GRM5: variants seen among roughly 807,000 people sequenced by gnomAD.
GRM5 encodes the protein glutamate metabotropic receptor 5, also known as metabotropic glutamate receptor 5.
In GRM5, 19 loss-of-function variants were observed where a neutral mutation model predicts 83.1. The observed-to-expected ratio is 0.23, with a 90% CI of 0.16 to 0.34. The LOEUF is 0.34. Among genes scored for constraint, GRM5 ranks in the 10% least tolerant of loss-of-function variants. The pLI, the probability that GRM5 is intolerant of heterozygous loss-of-function variation, is 1.00. For synonymous variants in GRM5, 675 were observed against 633.6 expected, an observed-to-expected ratio of 1.07 and a Z score of -0.98; for missense variants, 1,160 against 1,588.3, an observed-to-expected ratio of 0.73 and a Z score of 4.58.
At chr11:88,899,331 A>C (rs1945281932) in intron 2 of GRM5, among the ~76,000 whole-genome samples, 1 of 151,944 alleles carries the variant, frequency 6.6e-6, no homozygotes, top group African/African-American at 2.4e-5. Context: ...ATTTTATCTC[A>C]TATACCCTGA....
chr11:88,956,599 A>G (rs1309098694), intron 2 of GRM5, among the ~76,000 whole-genome samples: 6 of 151,984 alleles, frequency 3.9e-5, no homozygotes, highest in Admixed American at 2.6e-4. Context: ...GAGGTCAGGA[A>G]ATCGAGACCA....
intron 8 of GRM5, among the ~76,000 whole-genome samples, chr11:88,539,422 C>G (rs1942213063): frequency 6.6e-6 from 1 of 152,122 alleles, no homozygotes; most frequent in Non-Finnish European, 1.5e-5. Context: ...TACAATTTCT[C>G]CATATATACA....
At chr11:88,704,181 C>G (rs144386188) in intron 3 of GRM5, among the ~76,000 whole-genome samples, 38 of 152,180 alleles carry the variant, frequency 2.5e-4, no homozygotes, top group South Asian at 1.9e-3. Flanking sequence ...ATCTAATCCT[C>G]TTTATCTTCC....
At chr11:88,737,881 C>T (rs1941952296) in intron 3 of GRM5, among the ~76,000 whole-genome samples, 1 of 151,994 alleles carries the variant, frequency 6.6e-6, no homozygotes, top group Non-Finnish European at 1.5e-5. Flanking sequence ...TATTTGGAAA[C>T]TTTATGAGAG....
chr11:88,543,249 A>C (rs938460952), intron 8 of GRM5, among the ~76,000 whole-genome samples: 2 of 152,220 alleles, frequency 1.3e-5, no homozygotes, highest in East Asian at 3.8e-4. Flanking sequence ...GTGAAAAGAC[A>C]TGATATTCTT....
chr11:88,641,119 C>A (rs1939281924), intron 4 of GRM5, among the ~76,000 whole-genome samples: 2 of 152,054 alleles, frequency 1.3e-5, no homozygotes, highest in Admixed American at 6.5e-5. Flanking sequence ...GAAGCTTTTA[C>A]TCATGGTGGA....
chr11:88,980,040 G>A (rs1254899534), intron 2 of GRM5, among the ~76,000 whole-genome samples: 3 of 152,116 alleles, frequency 2.0e-5, no homozygotes, highest in Non-Finnish European at 4.4e-5. Flanking sequence ...AAGAAATGTG[G>A]GAGATTCTGA....
intron 3 of GRM5, among the ~76,000 whole-genome samples, chr11:88,680,354 A>G (rs906701889): frequency 6.6e-6 from 1 of 151,958 alleles, no homozygotes; most frequent in Non-Finnish European, 1.5e-5. Flanking sequence ...TTGTCCTTGC[A>G]ATAGTTTGCT....
intron 8 of GRM5, among the ~76,000 whole-genome samples, chr11:88,549,758 G>C (rs1464872389): frequency 6.6e-6 from 1 of 152,068 alleles, no homozygotes; most frequent in Non-Finnish European, 1.5e-5. Context: ...AGGTCACTAA[G>C]GCTCTGTGAG....
At chr11:88,687,383 A>G (rs982697362) in intron 3 of GRM5, among the ~76,000 whole-genome samples, 1 of 146,360 alleles carries the variant, frequency 6.8e-6, no homozygotes, top group Admixed American at 7.0e-5. Flanking sequence ...AGGCTGAGGC[A>G]GGAGAATGGC....
intron 2 of GRM5, among the ~76,000 whole-genome samples, chr11:88,856,403 G>A (rs1320261830): frequency 1.3e-5 from 2 of 151,876 alleles, no homozygotes; most frequent in African/African-American, 4.8e-5. Flanking sequence ...TGCCTTTCAC[G>A]TCCACTTCCA....
intron 9 of GRM5, among the ~76,000 whole-genome samples, chr11:88,514,563 A>AAAAAGTC (rs1941472602): frequency 6.6e-6 from 1 of 152,306 alleles, no homozygotes; most frequent in South Asian, 2.1e-4. Context: ...TTGACCATCA[A>AAAAAGTC]AAAAGTCAAT....
chr11:88,946,354 A>G (rs1242593882), intron 2 of GRM5, among the ~76,000 whole-genome samples: 2 of 152,130 alleles, frequency 1.3e-5, no homozygotes, highest in Non-Finnish European at 2.9e-5. Flanking sequence ...AAACAGAGCT[A>G]TCATTCGACC....
chr11:88,648,957 A>G (rs1254062434), intron 4 of GRM5, among the ~76,000 whole-genome samples: 2 of 147,814 alleles, frequency 1.4e-5, no homozygotes, highest in East Asian at 1.9e-4. Flanking sequence ...TCTTTATTCT[A>G]CAGGCTTAAG....
At chr11:88,553,282 T>C (rs559970763) in intron 8 of GRM5, among the ~76,000 whole-genome samples, 1 of 152,282 alleles carries the variant, frequency 6.6e-6, no homozygotes, top group African/African-American at 2.4e-5. Flanking sequence ...GCTCTGTGCA[T>C]GGATGAGAAA....
intron 3 of GRM5, among the ~76,000 whole-genome samples, chr11:88,756,551 G>C (rs1942397280): frequency 6.6e-6 from 1 of 151,818 alleles, no homozygotes; most frequent in Non-Finnish European, 1.5e-5. Flanking sequence ...ATGATTTTTT[G>C]AGTTTCTATA....
At chr11:88,824,328 A>G (rs948689677) in intron 3 of GRM5, among the ~76,000 whole-genome samples, 5 of 152,130 alleles carry the variant, frequency 3.3e-5, no homozygotes, top group African/African-American at 9.7e-5. Context: ...CATACAAGGA[A>G]CTACCAGAGC....
chr11:88,964,168 A>G (rs1006821685), intron 2 of GRM5, among the ~76,000 whole-genome samples: 2 of 152,174 alleles, frequency 1.3e-5, no homozygotes, highest in Admixed American at 1.3e-4. Context: ...GCAGCCCTGA[A>G]AAAGTACTTT....
chr11:88,886,764 A>G (rs1945050262), intron 2 of GRM5, among the ~76,000 whole-genome samples: 1 of 152,180 alleles, frequency 6.6e-6, no homozygotes, highest in Non-Finnish European at 1.5e-5. Context: ...CCTGTCTGCG[A>G]TCATCATATC....
Sources: allele counts gnomAD v4.1 joint callset (sites outside exome capture counted in the v4.1 genomes callset), GRCh38; gene constraint gnomAD v4.1.1; transcripts MANE v1.5; gene names NCBI Gene and HGNC (gene_info 2026-07-23, HGNC 2026-07-21).